The following TCF12 variants were observed in gnomAD, a reference collection of about 807,000 sequenced individuals.
TCF12 encodes DNA-binding protein HTF4.
A neutral mutation model predicts 86.0 loss-of-function variants in TCF12; 45 were observed. The observed-to-expected ratio is 0.52, with a 90% CI of 0.41 to 0.67. The LOEUF is 0.67. Ranked by LOEUF, TCF12 falls within the 30% of genes least tolerant of loss-of-function variation. The pLI, the probability that TCF12 is intolerant of heterozygous loss-of-function variation, is 0.00. For synonymous variants in TCF12, 330 were observed against 299.6 expected (o/e 1.10, Z -1.05); for missense variants, 881 against 859.9 (o/e 1.02, Z -0.31).
At chr15:57,265,278 C>T (rs1380263539) in intron 18 of TCF12, among the ~76,000 whole-genome samples, 1 of 151,954 alleles carries the variant, frequency 6.6e-6, no homozygotes, top group Non-Finnish European at 1.5e-5. Flanking sequence ...CACATTCTTC[C>T]CATGTCTCCT....
chr15:57,167,709 G>A (rs1005329732), intron 6 of TCF12, among the ~76,000 whole-genome samples: 15 of 152,176 alleles, frequency 9.9e-5, no homozygotes, highest in Non-Finnish European at 2.1e-4. Context: ...CTGAATAAGT[G>A]ATTTGTTAAA....
At chr15:57,115,416 CATT>C (rs1567452327) in intron 5 of TCF12, among the ~76,000 whole-genome samples, 1 of 152,110 alleles carries the variant, frequency 6.6e-6, no homozygotes, top group Admixed American at 6.5e-5. Flanking sequence ...TTGGCAGTGA[CATT>C]AGTGGCATTA....
chr15:56,964,230 G>A (rs1642932), intron 3 of TCF12, among the ~76,000 whole-genome samples: 143,604 of 152,236 alleles, frequency 0.94, 68,036 homozygotes, highest in Non-Finnish European at 0.99. Flanking sequence ...AGTTTTGGTA[G>A]AATCAGTGTG....
chr15:57,093,539 C>G (rs752972339), intron 5 of TCF12, among the ~76,000 whole-genome samples: 3 of 152,108 alleles, frequency 2.0e-5, no homozygotes, highest in Non-Finnish European at 2.9e-5. Flanking sequence ...CAGCTTTGTA[C>G]CAAGGTGACG....
intron 3 of TCF12, among the ~76,000 whole-genome samples, chr15:57,004,366 T>C (rs1325103588): frequency 1.3e-5 from 2 of 152,018 alleles, no homozygotes; most frequent in East Asian, 3.9e-4. Context: ...GCTTCCCGAG[T>C]AGCTGGAAAT....
chr15:57,100,640 G>C (rs2049673680), intron 5 of TCF12, among the ~76,000 whole-genome samples: 1 of 151,874 alleles, frequency 6.6e-6, no homozygotes, highest in Admixed American at 6.6e-5. Flanking sequence ...TAAAATAAAT[G>C]GTTTCATATT....
At chr15:56,994,267 T>A (rs906541700) in intron 3 of TCF12, among the ~76,000 whole-genome samples, 2 of 152,108 alleles carry the variant, frequency 1.3e-5, no homozygotes, top group African/African-American at 4.8e-5. Context: ...GTGTTAGACA[T>A]TTAAACAAGA....
chr15:57,016,545 A>G (rs1261042529), intron 3 of TCF12, among the ~76,000 whole-genome samples: 2 of 152,152 alleles, frequency 1.3e-5, no homozygotes, highest in African/African-American at 2.4e-5. Context: ...CATAATTCAT[A>G]AGGCAAATTA....
chr15:57,228,925 A>T (rs934747346), intron 8 of TCF12, among the ~76,000 whole-genome samples: 3 of 152,016 alleles, frequency 2.0e-5, no homozygotes, highest in Non-Finnish European at 4.4e-5. Flanking sequence ...TTACTGTTTC[A>T]GTCTATAACC....
intron 7 of TCF12, among the ~76,000 whole-genome samples, chr15:57,195,543 C>T (rs1282051184): frequency 1.3e-5 from 2 of 152,120 alleles, no homozygotes; most frequent in Non-Finnish European, 2.9e-5. Flanking sequence ...ATCTTTGGCA[C>T]TTCTGTTTTA....
intron 3 of TCF12, among the ~76,000 whole-genome samples, chr15:57,062,177 C>T (rs1257339356): frequency 6.6e-6 from 1 of 152,018 alleles, no homozygotes; most frequent in African/African-American, 2.4e-5. Flanking sequence ...AGGATGGTCT[C>T]GATCTCCTGA....
chr15:57,198,582 A>G (rs1245093938), intron 8 of TCF12, among the ~76,000 whole-genome samples: 3 of 152,190 alleles, frequency 2.0e-5, no homozygotes, highest in African/African-American at 7.2e-5. Context: ...TTGTAAAGGA[A>G]CCTGCATCGT....
intron 3 of TCF12, among the ~76,000 whole-genome samples, chr15:56,940,782 G>T (rs959427618): frequency 2.1e-5 from 3 of 140,160 alleles, no homozygotes; most frequent in African/African-American, 2.7e-5. Context: ...CTGAGATGAG[G>T]TCTAACTCTG....
At position 57,251,437 on chromosome 15, in the gene TCF12, A is replaced by AT; in HGVS notation, c.1188+15dup. On this transcript the variant is annotated intron_variant, in intron 14 of 20. Transcript: ENST00000333725. ...CTCCACTCCCTGGTAAGAGCCTCTTATACATCAGTTTTATCTGATAGCTTA... is the reference window on the plus strand; with the variant it reads ...CTCCACTCCCTGGTAAGAGCCTCTTATTACATCAGTTTTATCTGATAGCTTA... 2.5e-6 allele frequency: 4 copies of AT among 1,613,298 alleles called. No individual in the cohort carries two copies. Among genetic ancestry groups the AT allele is most frequent in the Non-Finnish European group, 3.4e-6 (4 of 1,179,408 alleles).
chr15:57,287,938 C>A lies in TCF12; in HGVS notation c.*1793C>A, dbSNP rs966136140. ...TGAGTGAACATATGCCACTGCCTGG[C>A]CTTTTTTTCTTCAGAGCTTGTTGTC... On this transcript the variant is annotated 3_prime_UTR_variant, in exon 21 of 21. Coordinates refer to ENST00000333725, the MANE Select transcript of TCF12 (RefSeq NM_207037.2). 1.3e-5 allele frequency: 2 copies of A among 152,600 alleles called. 1 individual carries two copies. 9.5% of individuals were successfully genotyped at this position (152,600 alleles called of 1,614,324 possible).
chr15:57,170,698 TATA>T (rs2055333020), intron 6 of TCF12, among the ~76,000 whole-genome samples: 1 of 2,896 alleles, frequency 3.5e-4, no homozygotes, highest in Non-Finnish European at 6.9e-4. Context: ...TAATATATAT[TATA>T]TATAATATAT....
chr15:57,109,218 C>G (rs1407725010), intron 5 of TCF12: 1 of 152,122 alleles, frequency 6.6e-6, no homozygotes, highest in Admixed American at 6.6e-5. Context: ...GTACAATTTT[C>G]CCCAGTGGGT....
At chr15:57,235,598 TTAGG>T (rs2059348737) in intron 12 of TCF12, among the ~76,000 whole-genome samples, 1 of 152,168 alleles carries the variant, frequency 6.6e-6, no homozygotes, top group Admixed American at 6.6e-5. Flanking sequence ...AATGACCTAT[TTAGG>T]AAGACAGTTT....
At chr15:57,247,674 TCA>T in intron 13 of TCF12, 1 of 757,766 alleles carries the variant, frequency 1.3e-6, no homozygotes, top group Non-Finnish European at 2.4e-6. Flanking sequence ...AAAATTTTCC[TCA>T]CTGTTAGATG....
Sources: gnomAD v4.1 joint callset for allele counts (sites outside exome capture counted in the v4.1 genomes callset) on GRCh38, gnomAD v4.1.1 for gene constraint, MANE v1.5 for transcripts, NCBI Gene and HGNC (gene_info 2026-07-23, HGNC 2026-07-21) for gene names.